ODC1: variants seen among roughly 807,000 people sequenced by gnomAD.
ODC1 encodes the protein ornithine decarboxylase.
A neutral mutation model predicts 41.5 loss-of-function variants in ODC1; 18 were observed. The observed-to-expected ratio is 0.43, with a 90% CI of 0.30 to 0.64. ODC1 has a LOEUF of 0.64. Ranked by LOEUF, ODC1 falls within the 30% of genes least tolerant of loss-of-function variation. The pLI is 0.11. For missense variants in ODC1, 504 were observed against 589.0 expected (o/e 0.86, Z 1.49); for synonymous variants, 218 against 211.6 (o/e 1.03, Z -0.26).
chr2:10,442,234 A>T, intron 8 of ODC1, 60 bp from the exon 9 acceptor site: 1 of 1,515,620 alleles, frequency 6.6e-7, no homozygotes, highest in South Asian at 1.3e-5. Context: ...CACATGGGGG[A>T]GTAACATCAC....
intron 11 of ODC1, 38 bp from the exon 12 acceptor site, chr2:10,440,906 C>T: frequency 1.2e-6 from 2 of 1,611,844 alleles, no homozygotes; most frequent in Non-Finnish European, 1.7e-6. Context: ...AACCCTGACT[C>T]ACTCCTAACT....
At position 10,443,824 on chromosome 2, in the gene ODC1, C is replaced by T. The variant is rs759677828; in HGVS notation, c.462G>A (p.Arg154=). ...RAHPKAKLVL[R]IATDDSKAVC... is the part of the protein sequence containing the mutation. ...CTGCTTTGGAATCATCAGTGGCAAT[C>T]CGCAAAACCAACCTACAAGCAAGGA... The change falls in exon 6 of 12, where the codon CGG becomes CGA. Residue 154 remains arginine (R), a synonymous_variant. Coordinates refer to ENST00000234111, the MANE Select transcript of ODC1 (RefSeq NM_002539.3). 7.4e-6 allele frequency: 12 copies of T among 1,613,960 alleles called. No individual in the cohort carries two copies. Among genetic ancestry groups the T allele is most frequent in the Non-Finnish European group, 1.0e-5 (12 of 1,179,836 alleles).
intron 1 of ODC1, 97 bp from the exon 2 acceptor site, chr2:10,445,361 G>T: frequency 3.6e-6 from 1 of 277,270 alleles, no homozygotes; most frequent in Non-Finnish European, 7.0e-6. Context: ...ATCATGCCCC[G>T]GATATGAACC....
intron 1 of ODC1, chr2:10,446,831 C>T: frequency 3.2e-6 from 1 of 311,330 alleles, no homozygotes; most frequent in Non-Finnish European, 6.2e-6. Context: ...ACGGGCCTGT[C>T]ATAAATCCAA....
At chr2:10,444,350 A>T in intron 4 of ODC1, 83 bp from the exon 5 acceptor site, 1 of 1,500,844 alleles carries the variant, frequency 6.7e-7, no homozygotes, top group Non-Finnish European at 9.0e-7. Flanking sequence ...GTTGTCATGT[A>T]CCCCCCCGCC....
In ODC1 at chr2:10,444,372, T is replaced by TA. The variant is rs1157692600; in HGVS notation, c.276+101dup. ...TGTACCCCCCCGCCCCATTTGCCTTTAGTGAGCATTTATTGCCCAAAAAAC... is the reference window on the plus strand; with the variant it reads ...TGTACCCCCCCGCCCCATTTGCCTTTAAGTGAGCATTTATTGCCCAAAAAAC... On this transcript the variant is annotated intron_variant, in intron 4 of 11. Coordinates refer to ENST00000234111, the MANE Select transcript of ODC1 (RefSeq NM_002539.3). The TA allele has an allele frequency of 3.3e-6, 5 of 1,507,898 alleles. No individual in the cohort carries two copies. The African/African-American group carries it at 7.0e-5, about 21-fold the overall frequency. The allele number at this position is 1,507,898 out of a possible 1,614,324, so 93.4% of individuals were successfully genotyped here.
At position 10,440,694 on chromosome 2, in the gene ODC1, A is replaced by G. The variant is rs756502017; in HGVS notation, c.*30T>C. 6.2e-7 allele frequency: 1 copy of G among 1,602,834 alleles called. No individual in the cohort carries two copies. Among genetic ancestry groups the G allele is most frequent in the Non-Finnish European group, 8.5e-7 (1 of 1,172,864 alleles). On this transcript the variant is annotated 3_prime_UTR_variant, in exon 12 of 12. Transcript: ENST00000234111. ...CCCCAAATCCCTTAATTCAAGCTAA[A>G]CTTGCAGTTAACAGCTACCAGAGTG...
intron 1 of ODC1, chr2:10,446,823 G>A (rs1310093551): frequency 1.5e-5 from 5 of 326,658 alleles, no homozygotes; most frequent in South Asian, 4.9e-5. Context: ...CCAGGGTGAC[G>A]GGCCTGTCAT....
intron 8 of ODC1, among the ~76,000 whole-genome samples, chr2:10,442,873 G>A (rs1375923286): frequency 6.8e-6 from 1 of 147,570 alleles, no homozygotes; most frequent in African/African-American, 2.6e-5. Flanking sequence ...ACCACACCAG[G>A]CTAATTTTAA....
In ODC1 at chr2:10,444,500, C is replaced by T. The variant is rs138359527; in HGVS notation, c.250G>A (p.Gly84Arg). 2.6e-3 allele frequency: 4,188 copies of T among 1,613,042 alleles called. 16 individuals carry two copies. The highest frequency in any genetic ancestry group is 8.3e-3 in the South Asian group (752 of 90,916). The change falls in exon 4 of 12, where the codon GGG (glycine) becomes AGG (arginine). Residue 84 changes from glycine to arginine, a missense_variant. Coordinates refer to ENST00000234111, the MANE Select transcript of ODC1 (RefSeq NM_002539.3). ...KAIVKTLAAT[G>R]TGFDCASKTE... ...TTGCTAGCACAGTCAAATCCTGTCC[C>T]GGTAGCAGCAAGGGTCTTCACGATG... is the stretch of plus-strand genomic sequence containing the variant.
chr2:10,445,123 A>G (rs1485246616), intron 2 of ODC1, 32 bp downstream of exon 2: 4 of 755,102 alleles, frequency 5.3e-6, no homozygotes, highest in Non-Finnish European at 9.4e-6. Flanking sequence ...CTTAAGATTA[A>G]CCTGCAACAT....
At chr2:10,446,206 T>C (rs1672008334) in intron 1 of ODC1, among the ~76,000 whole-genome samples, 2 of 150,904 alleles carry the variant, frequency 1.3e-5, no homozygotes, top group African/African-American at 4.9e-5. Context: ...TGATCTCGGC[T>C]CACCTCAACC....
chr2:10,444,282 T>C lies in ODC1; in HGVS notation c.277-15A>G, dbSNP rs1396907613. On this transcript the variant is annotated splice_polypyrimidine_tract_variant and intron_variant, in intron 4 of 11. Coordinates refer to ENST00000234111, the MANE Select transcript of ODC1 (RefSeq NM_002539.3). Reference sequence around the variant, plus strand: ...TGTATTTCAGTCTGAAAAAGAAGAGTGGTGTCATGCTATCCATATGTGGCT... The same window carrying C: ...TGTATTTCAGTCTGAAAAAGAAGAGCGGTGTCATGCTATCCATATGTGGCT... The C allele has an allele frequency of 1.3e-6, 2 of 1,563,202 alleles. No homozygotes were observed. The highest frequency in any genetic ancestry group is 1.4e-5 in the African/African-American group (1 of 72,990).
chr2:10,444,383 T>C, intron 4 of ODC1, 91 bp downstream of exon 4: 8 of 1,512,566 alleles, frequency 5.3e-6, no homozygotes, highest in Non-Finnish European at 7.1e-6. Context: ...AGTGAGCATT[T>C]ATTGCCCAAA....
Position 10,443,586 on chromosome 2 carries a change from AGAGAC to A in ODC1, c.585-20_585-16del. Reference sequence around the variant, plus strand: ...CTACATGGAAGCTGGGGTAAAATAAAGAGACGAGACACTGTGTCTTAGTATTTCTT... The same window carrying A: ...CTACATGGAAGCTGGGGTAAAATAAAGAGACACTGTGTCTTAGTATTTCTT... On this transcript the variant is annotated splice_polypyrimidine_tract_variant and intron_variant, in intron 6 of 11. Transcript: ENST00000234111. The A allele has an allele frequency of 6.2e-7, 1 of 1,603,166 alleles. No homozygotes were observed. Among genetic ancestry groups the A allele is most frequent in the Non-Finnish European group, 8.5e-7 (1 of 1,178,480 alleles).
At chr2:10,442,251 T>A (rs950787102) in intron 8 of ODC1, 77 bp from the exon 9 acceptor site, 6 of 1,414,396 alleles carry the variant, frequency 4.2e-6, no homozygotes, top group Non-Finnish European at 5.8e-6. Context: ...TCACAGGGCC[T>A]TGTGACATGA....
rs1202877821 is a variant in ODC1 at position 10,445,106 on chromosome 2, TACAATTC to T, written c.-18+42_-18+48del. The T allele has an allele frequency of 3.4e-6, 3 of 893,072 alleles. No homozygotes were observed. In the African/African-American group the frequency reaches 4.9e-5, roughly 15 times the overall value. The allele number at this position is 893,072 out of a possible 1,614,324, so 55.3% of individuals were successfully genotyped here. On this transcript the variant is annotated intron_variant, in intron 2 of 11. Transcript: ENST00000234111. ...GAAATTCACTTAGAAGCCTTAGCAA[TACAATTC>T]TTAAGATTAACCTGCAACATAAATG...
At chr2:10,443,389 T>C in intron 7 of ODC1, 76 bp from the exon 8 acceptor site, 2 of 1,553,792 alleles carry the variant, frequency 1.3e-6, no homozygotes, top group Non-Finnish European at 1.8e-6. Context: ...CTGAAACCCA[T>C]GTAATACAGA....
In ODC1 at chr2:10,445,097, C is replaced by T. The variant is rs1004509379; in HGVS notation, c.-17-48G>A. 15 of 962,810 alleles carry T rather than the reference C, an allele frequency of 1.6e-5. No individual in the cohort carries two copies. In the African/African-American group the frequency reaches 1.8e-4, roughly 11 times the overall value. 59.6% of individuals were successfully genotyped at this position (962,810 alleles called of 1,614,324 possible). A position where few individuals can be genotyped will look rare whatever the true frequency, so the allele number is the denominator to read the frequency against. On this transcript the variant is annotated intron_variant, in intron 2 of 11. Coordinates refer to ENST00000234111, the MANE Select transcript of ODC1 (RefSeq NM_002539.3). ...TAGAGTGGAGAAATTCACTTAGAAG[C>T]CTTAGCAATACAATTCTTAAGATTA...
Sources: gnomAD v4.1 joint callset for allele counts (sites outside exome capture counted in the v4.1 genomes callset) on GRCh38, gnomAD v4.1.1 for gene constraint, MANE v1.5 for transcripts, NCBI Gene and HGNC (gene_info 2026-07-23, HGNC 2026-07-21) for gene names.